ITGA1: variants seen among roughly 807,000 people sequenced by gnomAD.
The protein encoded by ITGA1 is integrin alpha-1.
A neutral mutation model predicts 145.9 loss-of-function variants in ITGA1; 85 were observed. The observed-to-expected ratio is 0.58, with a 90% confidence interval of 0.49 to 0.70. The LOEUF is 0.70. Ranked by LOEUF, ITGA1 falls within the 30% of genes least tolerant of loss-of-function variation. ITGA1 has a pLI of 0.00. For synonymous variants in ITGA1, 520 were observed against 495.3 expected, an observed-to-expected ratio of 1.05 and a Z score of -0.66; for missense variants, 1,351 against 1,418.7, an observed-to-expected ratio of 0.95 and a Z score of 0.77.
At chr5:52,845,012 A>G (rs1353762569) in intron 1 of ITGA1, among the ~76,000 whole-genome samples, 1 of 152,238 alleles carries the variant, frequency 6.6e-6, no homozygotes, top group Non-Finnish European at 1.5e-5. Context: ...CTCAGAAAAC[A>G]TAAAAGAGTC....
intron 2 of ITGA1, among the ~76,000 whole-genome samples, chr5:52,860,323 G>A (rs961827686): frequency 7.9e-5 from 12 of 152,168 alleles, no homozygotes; most frequent in Admixed American, 2.0e-4. Context: ...CAAGGTGGGC[G>A]GATCACGTGG....
rs1403542938 is a variant in ITGA1 at position 52,957,595 on chromosome 5, G to T, written c.*5144G>T. The stretch of plus-strand genomic sequence containing the variant: ...GGGCAGTAGGAGCCAGAGCCAATTT[G>T]CAGGATCTCTTTTCCTTCTGCCTTC... On this transcript the variant is annotated 3_prime_UTR_variant, in exon 29 of 29. Transcript: ENST00000282588. 6.6e-6 allele frequency: 1 copy of T among 152,208 alleles called. No homozygotes were observed. The highest frequency in any genetic ancestry group is 2.4e-5 in the African/African-American group (1 of 41,438). The allele number at this position is 152,208 out of a possible 1,614,324, so 9.4% of individuals were successfully genotyped here. A position where few individuals can be genotyped will look rare whatever the true frequency, so the allele number is the denominator to read the frequency against.
chr5:52,863,562 A>AT (rs1749640036), intron 3 of ITGA1, among the ~76,000 whole-genome samples: 1 of 152,116 alleles, frequency 6.6e-6, no homozygotes, highest in African/African-American at 2.4e-5. Context: ...CCAAGTATGG[A>AT]TTCCCCTCCA....
intron 1 of ITGA1, among the ~76,000 whole-genome samples, chr5:52,789,887 C>T (rs1184338128): frequency 6.6e-6 from 1 of 152,120 alleles, no homozygotes; most frequent in Non-Finnish European, 1.5e-5. Flanking sequence ...CTTGAAGTAA[C>T]AGAGAAGTTT....
rs1169475560 is a variant in ITGA1, at chr5:52,868,797, A to C, written c.624+2980A>C. On this transcript the variant is annotated intron_variant, in intron 6 of 28. Coordinates refer to ENST00000282588, the MANE Select transcript of ITGA1 (RefSeq NM_181501.2). ...ATTATCTTCTGACTTCACCCAAGGG[A>C]ACCTGATTTTTAAAGAGAGAAGCTG... Among the ~76,000 whole-genome samples the C allele has an allele frequency of 3.3e-5, 5 of 152,242 alleles. No individual in the cohort carries two copies. In the East Asian group the frequency reaches 9.7e-4, roughly 29 times the overall value.
At chr5:52,862,151 G>C (rs1342152072) in intron 3 of ITGA1, among the ~76,000 whole-genome samples, 5 of 146,500 alleles carry the variant, frequency 3.4e-5, no homozygotes, top group Non-Finnish European at 5.9e-5. Context: ...CTGGGAGGCA[G>C]AGGTTGTGTT....
At chr5:52,895,470 A>G (rs767915211) in intron 9 of ITGA1, among the ~76,000 whole-genome samples, 1 of 152,228 alleles carries the variant, frequency 6.6e-6, no homozygotes, top group Non-Finnish European at 1.5e-5. Flanking sequence ...GTGTACTTTT[A>G]ATTTTTAATA....
chr5:52,915,347 G>T (rs1172783114), intron 14 of ITGA1, 117 bp from the exon 15 acceptor site: 8 of 1,112,008 alleles, frequency 7.2e-6, no homozygotes, highest in African/African-American at 1.6e-5. Context: ...CTCTTGGGCG[G>T]ATTCCCAAAT....
intron 2 of ITGA1, among the ~76,000 whole-genome samples, chr5:52,851,400 T>G (rs940337683): frequency 6.6e-6 from 1 of 152,206 alleles, no homozygotes; most frequent in African/African-American, 2.4e-5. Context: ...TTGTGAGATT[T>G]CCACCCTCTA....
At position 52,932,206 on chromosome 5, in the gene ITGA1, G is replaced by A. The variant is rs540816052; in HGVS notation, c.2861+70G>A. 9 of 942,554 alleles carry A rather than the reference G, an allele frequency of 9.5e-6. 1 individual carries two copies. In the South Asian group the frequency reaches 1.2e-4, roughly 12 times the overall value. The allele number at this position is 942,554 out of a possible 1,614,324, so 58.4% of individuals were successfully genotyped here. A position where few individuals can be genotyped will look rare whatever the true frequency, so the allele number is the denominator to read the frequency against. ...CAGTGGTTCTGAAAGTGTGGTCCCT[G>A]CCTGGCCAAGGGCATCAGCATCACC... is the stretch of plus-strand genomic sequence containing the variant. On this transcript the variant is annotated intron_variant, in intron 22 of 28. Transcript: ENST00000282588.
intron 1 of ITGA1, among the ~76,000 whole-genome samples, chr5:52,823,932 A>G (rs1371733724): frequency 6.6e-6 from 1 of 152,236 alleles, no homozygotes; most frequent in African/African-American, 2.4e-5. Context: ...TTATTTTACA[A>G]GTATACGGAA....
chr5:52,911,915 A>G (rs908333816), intron 14 of ITGA1, among the ~76,000 whole-genome samples: 2 of 136,670 alleles, frequency 1.5e-5, no homozygotes, highest in African/African-American at 2.7e-5. Flanking sequence ...AGATATATAT[A>G]TTATATATAT....
chr5:52,873,571 G>A (rs1423936201), intron 6 of ITGA1, among the ~76,000 whole-genome samples: 2 of 152,240 alleles, frequency 1.3e-5, no homozygotes, highest in African/African-American at 4.8e-5. Context: ...GTTAAACCTA[G>A]CCTCTGCTAA....
chr5:52,808,948 A>G (rs530302152), intron 1 of ITGA1, among the ~76,000 whole-genome samples: 1 of 152,116 alleles, frequency 6.6e-6, no homozygotes, highest in Admixed American at 6.5e-5. Context: ...ACCTATTCAT[A>G]TTGAGTCATT....
intron 1 of ITGA1, among the ~76,000 whole-genome samples, chr5:52,814,153 T>C (rs1417574088): frequency 6.6e-6 from 1 of 152,192 alleles, no homozygotes; most frequent in Non-Finnish European, 1.5e-5. Flanking sequence ...TTTGGTTTGT[T>C]TGTTTGATTT....
rs1393744746 is a variant in ITGA1 at position 52,800,205 on chromosome 5, G to C, written c.61+11791G>C. The C allele has an allele frequency of 2.0e-5, 12 of 610,544 alleles. 1 individual carries two copies. In the South Asian group the frequency reaches 2.0e-4, roughly 10 times the overall value. The allele number at this position is 610,544 out of a possible 1,614,324, so 37.8% of individuals were successfully genotyped here. ...CGCAGCGCGCCGGGAGACTGAGAGA[G>C]GAAAGGATAGAGGAAGTGCTGCCCT... On this transcript the variant is annotated intron_variant, in intron 1 of 28. Transcript: ENST00000282588.
intron 1 of ITGA1, among the ~76,000 whole-genome samples, chr5:52,798,555 G>A (rs914118767): frequency 1.6e-4 from 25 of 152,084 alleles, no homozygotes; most frequent in African/African-American, 5.6e-4. Flanking sequence ...TGATTTTGAG[G>A]GCTCCAAATT....
chr5:52,827,687 C>A (rs1396407114), intron 1 of ITGA1, among the ~76,000 whole-genome samples: 3 of 152,172 alleles, frequency 2.0e-5, no homozygotes, highest in African/African-American at 7.2e-5. Flanking sequence ...CTTCAGCAAC[C>A]ACCACCCTGC....
chr5:52,873,531 CA>C (rs1749817567), intron 6 of ITGA1, among the ~76,000 whole-genome samples: 1 of 152,180 alleles, frequency 6.6e-6, no homozygotes, highest in African/African-American at 2.4e-5. Flanking sequence ...AAATCAGTCC[CA>C]TTTATATCCC....
Sources: allele counts gnomAD v4.1 joint callset (sites outside exome capture counted in the v4.1 genomes callset), GRCh38; gene constraint gnomAD v4.1.1; transcripts MANE v1.5; gene names NCBI Gene and HGNC (gene_info 2026-07-23, HGNC 2026-07-21).